The following ZNF595 variants were observed in gnomAD, a reference collection of about 807,000 sequenced individuals.
ZNF595 encodes zinc finger protein 595.
In ZNF595, 9 loss-of-function variants were observed where a neutral mutation model predicts 19.4. The observed-to-expected ratio is 0.46, with a 90% CI of 0.28 to 0.81. The LOEUF (loss-of-function observed/expected upper bound fraction) is 0.81, where lower values mean the gene tolerates loss of function less well. ZNF595 is among the 30% of genes least tolerant of loss of function. The pLI, the probability that ZNF595 is intolerant of heterozygous loss-of-function variation, is 0.11. For missense variants in ZNF595, 729 were observed against 736.0 expected, an observed-to-expected ratio of 0.99 and a Z score of 0.11; for synonymous variants, 255 against 255.9, an observed-to-expected ratio of 1.00 and a Z score of 0.03.
intron 3 of ZNF595, among the ~76,000 whole-genome samples, chr4:76,084 G>A (rs1262107642): frequency 6.6e-6 from 1 of 151,996 alleles, no homozygotes; most frequent in Non-Finnish European, 1.5e-5. Flanking sequence ...TGTAGAGATA[G>A]GGTTTTGCCA....
chr4:87,487 TAC>T lies in ZNF595; in HGVS notation c.*40_*41del, dbSNP rs1211847341. The T allele has an allele frequency of 4.1e-6, 6 of 1,469,574 alleles. No individual in the cohort carries two copies. The East Asian group carries it at 1.2e-4, about 29-fold the overall frequency. 91.0% of individuals were successfully genotyped at this position (1,469,574 alleles called of 1,614,324 possible). On this transcript the variant is annotated 3_prime_UTR_variant, in exon 4 of 4. Coordinates refer to ENST00000610261, the MANE Select transcript of ZNF595 (RefSeq NM_182524.4). Reference sequence around the variant, plus strand: ...TAGTAATCTCTAATTCCAGTGTCTTTACACAGCAAATAAATTGGAGAATATTG... The same window carrying T: ...TAGTAATCTCTAATTCCAGTGTCTTTACAGCAAATAAATTGGAGAATATTG...
intron 3 of ZNF595, among the ~76,000 whole-genome samples, chr4:79,610 G>GT (rs1553799449): frequency 6.7e-6 from 1 of 148,976 alleles, no homozygotes. Flanking sequence ...ATATTTTGCT[G>GT]TTTTGCTTAT....
rs180728499 is a variant in ZNF595, at chr4:80,474, G to A, written c.227-5257G>A. 3.4e-3 allele frequency among the ~76,000 whole-genome samples: 522 copies of A among 152,164 alleles called. 4 individuals carry two copies. The highest frequency in any genetic ancestry group is 0.012 in the African/African-American group (505 of 41,496). On this transcript the variant is annotated intron_variant, in intron 3 of 3. Coordinates refer to ENST00000610261, the MANE Select transcript of ZNF595 (RefSeq NM_182524.4). ...TTTCATTTTTTTATTTTTGTCATGC[G>A]CATCCGTGTGAAAAGACCACCAAAC...
intron 3 of ZNF595, among the ~76,000 whole-genome samples, chr4:66,280 T>A (rs1409617803): frequency 1.3e-5 from 2 of 152,168 alleles, no homozygotes; most frequent in Admixed American, 1.3e-4. Flanking sequence ...AATTGTGTAT[T>A]TCATCTTTGG....
In ZNF595 at chr4:85,822, T is replaced by A; in HGVS notation, c.318T>A (p.Cys106Ter). 1 of 1,613,992 alleles carries A rather than the reference T, an allele frequency of 6.2e-7. No homozygotes were observed. The highest frequency in any genetic ancestry group is 8.5e-7 in the Non-Finnish European group (1 of 1,179,918). ...HKLILKRYEK[C>*]GHENLQLRKG... Reference sequence around the variant, plus strand: ...TTATACTGAAAAGATACGAGAAATGTGGACATGAGAATTTACAATTAAGAA... The same window carrying A: ...TTATACTGAAAAGATACGAGAAATGAGGACATGAGAATTTACAATTAAGAA... The change falls in exon 4 of 4, where the codon TGT becomes TGA. Residue 106 changes from cysteine (C) to a stop codon, truncating the protein, a stop_gained. Transcript: ENST00000610261. LOFTEE classifies it low-confidence loss of function (END_TRUNC).
chr4:76,515 CTA>C (rs1417442481), intron 3 of ZNF595, among the ~76,000 whole-genome samples: 4 of 152,056 alleles, frequency 2.6e-5, no homozygotes, highest in African/African-American at 4.8e-5. Context: ...CTATATTTGA[CTA>C]TATATATTTT....
Position 86,819 on chromosome 4 carries a change from C to T in ZNF595, c.1315C>T (p.Leu439Phe). The change falls in exon 4 of 4, where the codon CTT (leucine) becomes TTT (phenylalanine). Residue 439 changes from leucine (L) to phenylalanine (F), a missense_variant. This residue lies in a region of ZNF595 where 729 missense variants were observed against 675.3 expected (regional missense o/e 1.08). Transcript: ENST00000610261. Reference sequence around the variant, plus strand: ...CAAAGCTTTTAACCAATCCTCAACTCTTATATTACACAAGAGAATCCATTC... The same window carrying T: ...CAAAGCTTTTAACCAATCCTCAACTTTTATATTACACAAGAGAATCCATTC... ...CGKAFNQSST[L>F]ILHKRIHSGQ... The T allele has an allele frequency of 1.2e-6, 2 of 1,613,802 alleles. No homozygotes were observed. Among genetic ancestry groups the T allele is most frequent in the Non-Finnish European group, 1.7e-6 (2 of 1,179,874 alleles).
At chr4:72,520 C>CT (rs1282126222) in intron 3 of ZNF595, among the ~76,000 whole-genome samples, 3 of 152,234 alleles carry the variant, frequency 2.0e-5, no homozygotes, top group Admixed American at 6.5e-5. Context: ...GTTGATAAGT[C>CT]TACTCTGTTA....
In ZNF595 at chr4:84,169, G is replaced by T. The variant is rs1233514590; in HGVS notation, c.227-1562G>T. Among the ~76,000 whole-genome samples the T allele has an allele frequency of 3.9e-5, 6 of 152,152 alleles. 1 individual carries two copies. The highest frequency in any genetic ancestry group is 3.3e-4 in the Admixed American group (5 of 15,276). On this transcript the variant is annotated intron_variant, in intron 3 of 3. Transcript: ENST00000610261. ...TTTTTATGTTGCTTATTTATTAACA[G>T]ATTATGATGAACAGTTTATGATCAT... is the stretch of plus-strand genomic sequence containing the variant.
Position 75,632 on chromosome 4 carries a change from G to A in ZNF595, c.227-10099G>A, listed in dbSNP as rs145064264. Among the ~76,000 whole-genome samples, 643 of 152,204 alleles carry A rather than the reference G, an allele frequency of 4.2e-3. 7 individuals carry two copies. The highest frequency in any genetic ancestry group is 0.015 in the African/African-American group (609 of 41,536). On this transcript the variant is annotated intron_variant, in intron 3 of 3. Coordinates refer to ENST00000610261, the MANE Select transcript of ZNF595 (RefSeq NM_182524.4). ...ATATTTTTAAAAGAATTACTGATTG[G>A]TAAGAACTTATTACTGCCATTTTGT...
chr4:74,481 G>A (rs1396103789), intron 3 of ZNF595, among the ~76,000 whole-genome samples: 1 of 152,142 alleles, frequency 6.6e-6, no homozygotes, highest in Non-Finnish European at 1.5e-5. Flanking sequence ...ATATTTTTGA[G>A]ACAGGTCTCA....
intron 1 of ZNF595, among the ~76,000 whole-genome samples, chr4:58,037 C>T (rs1195813299): frequency 6.6e-6 from 1 of 151,330 alleles, no homozygotes; most frequent in East Asian, 1.9e-4. Flanking sequence ...CCAACTTTGC[C>T]CAGATCCCCC....
At chr4:66,193 T>C (rs1713093060) in intron 3 of ZNF595, among the ~76,000 whole-genome samples, 1 of 151,404 alleles carries the variant, frequency 6.6e-6, no homozygotes, top group Admixed American at 6.6e-5. Flanking sequence ...TGCTTGATAT[T>C]GGCCATCTTA....
chr4:74,532 C>T (rs974299180), intron 3 of ZNF595, among the ~76,000 whole-genome samples: 5 of 152,188 alleles, frequency 3.3e-5, no homozygotes, highest in Non-Finnish European at 5.9e-5. Flanking sequence ...TGAGGACACA[C>T]ATCTGTGGCA....
chr4:74,938 C>A (rs2108756709), intron 3 of ZNF595, among the ~76,000 whole-genome samples: 1 of 152,176 alleles, frequency 6.6e-6, no homozygotes, highest in South Asian at 2.1e-4. Flanking sequence ...TTATGTGCTT[C>A]TATATTGGGT....
At position 85,880 on chromosome 4, in the gene ZNF595, C is replaced by T; in HGVS notation, c.376C>T (p.Gln126Ter). The change falls in exon 4 of 4, where the codon CAG becomes TAG. Residue 126 changes from glutamine to a stop codon, truncating the protein, a stop_gained. Transcript: ENST00000610261. LOFTEE classifies it low-confidence loss of function (END_TRUNC). The part of the protein sequence containing the change: ...GCKRVNECKV[Q>*]KGVNNGVYQC... Reference sequence around the variant, plus strand: ...TAAACGTGTGAATGAGTGTAAGGTGCAGAAAGGAGTTAATAATGGAGTTTA... The same window carrying T: ...TAAACGTGTGAATGAGTGTAAGGTGTAGAAAGGAGTTAATAATGGAGTTTA... 1.2e-6 allele frequency: 2 copies of T among 1,613,966 alleles called. No individual in the cohort carries two copies. Among genetic ancestry groups the T allele is most frequent in the Non-Finnish European group, 1.7e-6 (2 of 1,179,972 alleles).
intron 3 of ZNF595, among the ~76,000 whole-genome samples, chr4:81,278 G>T (rs1279477931): frequency 6.6e-6 from 1 of 152,104 alleles, no homozygotes; most frequent in Non-Finnish European, 1.5e-5. Flanking sequence ...ATCAAATATA[G>T]GTCAGTGATG....
In ZNF595 at chr4:81,304, A is replaced by T. The variant is rs141930092; in HGVS notation, c.227-4427A>T. Among the ~76,000 whole-genome samples, 133 of 152,270 alleles carry T rather than the reference A, an allele frequency of 8.7e-4. 1 individual carries two copies. The highest frequency in any genetic ancestry group is 3.6e-3 in the Admixed American group (55 of 15,296). On this transcript the variant is annotated intron_variant, in intron 3 of 3. Transcript: ENST00000610261. ...GTCAGTGATGTGTATTTCCAATATA[A>T]GAGTCTCTGTTTATCTGTATGCATA...
At position 87,668 on chromosome 4, in the gene ZNF595, A is replaced by G. The variant is rs781877587; in HGVS notation, c.*217A>G. On this transcript the variant is annotated 3_prime_UTR_variant, in exon 4 of 4. Coordinates refer to ENST00000610261, the MANE Select transcript of ZNF595 (RefSeq NM_182524.4). ...CATCAGAGTAAATGAGTTATTCTTC[A>G]CAAGCATTTGTTCTTTGTATTACAC... 2.1e-4 allele frequency: 83 copies of G among 395,956 alleles called. No homozygotes were observed. The highest frequency in any genetic ancestry group is 3.1e-4 in the Non-Finnish European group (71 of 227,066). 24.5% of individuals were successfully genotyped at this position (395,956 alleles called of 1,614,324 possible). A position where few individuals can be genotyped will look rare whatever the true frequency, so the allele number is the denominator to read the frequency against.
Sources: gnomAD v4.1 joint callset for allele counts (sites outside exome capture counted in the v4.1 genomes callset) on GRCh38, gnomAD v4.1.1 for gene constraint, gnomAD v4.1.1 regional missense constraint, MANE v1.5 for transcripts, NCBI Gene and HGNC (gene_info 2026-07-23, HGNC 2026-07-21) for gene names.